SSH1: variants seen among roughly 807,000 people sequenced by gnomAD.
SSH1 encodes protein phosphatase Slingshot homolog 1.
A neutral mutation model predicts 79.7 loss-of-function variants in SSH1; 43 were observed. That is an observed-to-expected ratio of 0.54 (90% confidence interval 0.42 to 0.70). The LOEUF is 0.70. SSH1 is among the 30% of genes least tolerant of loss of function. SSH1 has a pLI of 0.00. For synonymous variants in SSH1, 599 were observed against 538.3 expected (o/e 1.11, Z -1.56); for missense variants, 1,206 against 1,358.8 (o/e 0.89, Z 1.77).
At position 108,855,868 on chromosome 12, in the gene SSH1, G is replaced by A. The variant is rs565966106; in HGVS notation, c.69+1560C>T. On this transcript the variant is annotated intron_variant, in intron 1 of 14. Transcript: ENST00000326495. ...CTCATGAATGGCCTCTCCTCTCCAA[G>A]GAGGGGGCTGTGAAGGTTCAACTTC... is the stretch of plus-strand genomic sequence containing the variant. Among the ~76,000 whole-genome samples, 4 of 152,328 alleles carry A rather than the reference G, an allele frequency of 2.6e-5. No homozygotes were observed. The South Asian group carries it at 8.3e-4, about 32-fold the overall frequency.
chr12:108,825,420 A>G (rs2038275251), intron 2 of SSH1, among the ~76,000 whole-genome samples: 1 of 152,246 alleles, frequency 6.6e-6, no homozygotes, highest in Non-Finnish European at 1.5e-5. Context: ...TCCAATCAGC[A>G]GCTCCTGAGA....
intron 2 of SSH1, among the ~76,000 whole-genome samples, chr12:108,840,620 T>C (rs2038753915): frequency 6.6e-6 from 1 of 152,232 alleles, no homozygotes; most frequent in Non-Finnish European, 1.5e-5. Flanking sequence ...TCAGCCTTCC[T>C]TGAAGCAGCA....
chr12:108,789,119 A>G lies in SSH1; in HGVS notation c.2019T>C (p.Ala673=). 6.2e-7 allele frequency: 1 copy of G among 1,613,924 alleles called. No individual in the cohort carries two copies. Among genetic ancestry groups the G allele is most frequent in the Non-Finnish European group, 8.5e-7 (1 of 1,179,896 alleles). ...AGGCTGGCTGGGTGCAGATGGCGGG[A>G]GCATTGGGGTCCTCACATCGCTCCC... ...ASRERCEDPN[A]PAICTQPAFL... is the part of the protein sequence containing the mutation. Residue 673 remains alanine (A), a synonymous_variant, in exon 15 of 15, where the codon GCT becomes GCC. Coordinates refer to ENST00000326495, the MANE Select transcript of SSH1 (RefSeq NM_018984.4).
rs2137077804 is a variant in SSH1 at position 108,807,571 on chromosome 12, G to A, written c.731+62C>T. 1.3e-6 allele frequency: 2 copies of A among 1,555,536 alleles called. No homozygotes were observed. The highest frequency in any genetic ancestry group is 3.4e-5 in the Admixed American group (2 of 59,540). On this transcript the variant is annotated intron_variant, in intron 8 of 14. Coordinates refer to ENST00000326495, the MANE Select transcript of SSH1 (RefSeq NM_018984.4). This position sits in a 1 kb window ranked among gnomAD's most constrained non-coding sequence, Gnocchi z 5.2. ...CAGGTTCAGGGTCGGGCACAGGGCA[G>A]GTGGGGGAGAGGCAGGTGCCTGTGG...
At position 108,792,324 on chromosome 12, in the gene SSH1, T is replaced by G; in HGVS notation, c.1855A>C (p.Asn619His). 1 of 1,614,162 alleles carries G rather than the reference T, an allele frequency of 6.2e-7. No individual in the cohort carries two copies. The highest frequency in any genetic ancestry group is 8.5e-7 in the Non-Finnish European group (1 of 1,180,000). The change falls in exon 14 of 15, where the codon AAC (asparagine) becomes CAC (histidine). Residue 619 changes from asparagine (N) to histidine (H), a missense_variant. By Grantham distance (68) the Asn-to-His change is moderately conservative. This residue lies in a region of SSH1 where 709 missense variants were observed against 730.6 expected (regional missense o/e 0.97). Coordinates refer to ENST00000326495, the MANE Select transcript of SSH1 (RefSeq NM_018984.4). ...DQNLLNSENL[N>H]NNSKRSCPNG... Reference sequence around the variant, plus strand: ...GGACAGCTCCTCTTGCTGTTGTTGTTTAGGTTCTCCGAGTTGAGCAGGTTT... The same window carrying G: ...GGACAGCTCCTCTTGCTGTTGTTGTGTAGGTTCTCCGAGTTGAGCAGGTTT...
At chr12:108,798,107 C>T (rs201099610) in intron 13 of SSH1, among the ~76,000 whole-genome samples, 1 of 152,364 alleles carries the variant, frequency 6.6e-6, no homozygotes, top group East Asian at 1.9e-4. Context: ...CCTCCACTCG[C>T]TCACCCCAGT....
chr12:108,798,920 GC>G, intron 13 of SSH1, 79 bp downstream of exon 13: 1 of 1,529,300 alleles, frequency 6.5e-7, no homozygotes, highest in South Asian at 1.1e-5. Flanking sequence ...ATGCTCTGCT[GC>G]CGACAGAGGC....
At chr12:108,792,009 T>G in intron 14 of SSH1, 1 of 1,399,888 alleles carries the variant, frequency 7.1e-7, no homozygotes, top group Non-Finnish European at 9.3e-7. Context: ...ATAAGGTACA[T>G]GGGGTGAAGA....
intron 2 of SSH1, among the ~76,000 whole-genome samples, chr12:108,830,269 T>C (rs887187670): frequency 6.6e-6 from 1 of 152,152 alleles, no homozygotes; most frequent in Non-Finnish European, 1.5e-5. Context: ...CTGGAAAACA[T>C]GGTGAAACCC....
In SSH1 at chr12:108,788,324, G is replaced by C; in HGVS notation, c.2814C>G (p.Ser938Arg). The C allele has an allele frequency of 6.2e-7, 1 of 1,613,302 alleles. No individual in the cohort carries two copies. The highest frequency in any genetic ancestry group is 8.5e-7 in the Non-Finnish European group (1 of 1,179,914). Residue 938 changes from serine to arginine, a missense_variant, in exon 15 of 15, where the codon AGC (serine) becomes AGG (arginine). This residue lies in a region of SSH1 where 709 missense variants were observed against 730.6 expected (regional missense o/e 0.97). Coordinates refer to ENST00000326495, the MANE Select transcript of SSH1 (RefSeq NM_018984.4). ...TCCCACGGACACTGTGGATGCTATC[G>C]CTGCTGGAGCTCCGGGTCAGGTTGG... ...MSSNLTRSSS[S>R]DSIHSVRGKP...
chr12:108,799,298 G>A (rs373808983), intron 12 of SSH1, 98 bp from the exon 13 acceptor site: 19 of 1,048,110 alleles, frequency 1.8e-5, no homozygotes, highest in African/African-American at 8.0e-5. Flanking sequence ...GGTTTTACCC[G>A]AATCATTTTT....
intron 2 of SSH1, chr12:108,836,771 G>T (rs563671176): frequency 1.1e-3 from 425 of 376,852 alleles, no homozygotes; most frequent in Non-Finnish European, 2.1e-3. Flanking sequence ...TGTCACCATA[G>T]TGGGACAAAA....
chr12:108,845,671 G>A (rs934457072), intron 2 of SSH1, among the ~76,000 whole-genome samples: 6 of 152,168 alleles, frequency 3.9e-5, no homozygotes, highest in African/African-American at 1.4e-4. Context: ...TGAGCAACGT[G>A]AGCGAAACTC....
At chr12:108,856,398 C>G (rs932793988) in intron 1 of SSH1, among the ~76,000 whole-genome samples, 4 of 152,224 alleles carry the variant, frequency 2.6e-5, no homozygotes, top group African/African-American at 9.6e-5. Context: ...GCAAACGGAC[C>G]TGGGCCACAC....
intron 8 of SSH1, 44 bp from the exon 9 acceptor site, chr12:108,806,438 C>G: frequency 6.3e-7 from 1 of 1,587,066 alleles, no homozygotes; most frequent in South Asian, 1.1e-5. Context: ...CTGTAGAAAG[C>G]TTGTGGTCGG....
Position 108,809,686 on chromosome 12 carries a change from C to T in SSH1, c.536+7G>A, listed in dbSNP as rs773366851. 1.4e-5 allele frequency: 22 copies of T among 1,613,314 alleles called. No individual in the cohort carries two copies. In the Admixed American group the frequency reaches 2.0e-4, roughly 15 times the overall value. On this transcript the variant is annotated splice_region_variant and intron_variant, in intron 7 of 14. Transcript: ENST00000326495. ...AGGGAGTTAAAAGTCCCTAAAACCA[C>T]ACTTACCACATGGCCTGGACAGACA... is the stretch of plus-strand genomic sequence containing the variant.
intron 13 of SSH1, among the ~76,000 whole-genome samples, chr12:108,797,652 A>G (rs1334973414): frequency 1.3e-5 from 2 of 152,152 alleles, no homozygotes; most frequent in Non-Finnish European, 2.9e-5. Flanking sequence ...TGGCAGCTTG[A>G]CTTTAGAAGA....
intron 2 of SSH1, among the ~76,000 whole-genome samples, chr12:108,835,610 A>G (rs891992386): frequency 1.3e-4 from 20 of 150,726 alleles, no homozygotes; most frequent in Admixed American, 2.7e-4. Flanking sequence ...AAACAGTCTC[A>G]AAAAAGTCCA....
In SSH1 at chr12:108,857,578, C is replaced by A. The variant is rs1457027534; in HGVS notation, c.-82G>T. 3.2e-5 allele frequency: 27 copies of A among 831,270 alleles called. No individual in the cohort carries two copies. The highest frequency in any genetic ancestry group is 5.2e-5 in the South Asian group (1 of 19,052). 51.5% of individuals were successfully genotyped at this position (831,270 alleles called of 1,614,324 possible). ...ACCGCCGCCCGGGCCGGGCCCGGGG[C>A]CTCCTGGAGCCGCGCGCGGGCGGCC... On this transcript the variant is annotated 5_prime_UTR_variant, in exon 1 of 15. Coordinates refer to ENST00000326495, the MANE Select transcript of SSH1 (RefSeq NM_018984.4). This position sits in a 1 kb window ranked among gnomAD's most constrained non-coding sequence, Gnocchi z 4.7.
Sources: gnomAD v4.1 joint callset for allele counts (sites outside exome capture counted in the v4.1 genomes callset) on GRCh38, gnomAD v4.1.1 for gene constraint, gnomAD v4.1.1 regional missense constraint, Gnocchi (gnomAD v3.1) non-coding constraint, MANE v1.5 for transcripts, NCBI Gene and HGNC (gene_info 2026-07-23, HGNC 2026-07-21) for gene names.